Variants in ACAP2 observed in about 807,000 individuals in gnomAD.
ACAP2 encodes ArfGAP with coiled-coil, ankyrin repeat and PH domains 2.
Under a neutral mutation model 115.8 loss-of-function variants are expected in ACAP2, and 39 were observed. The observed-to-expected ratio is 0.34, with a 90% CI of 0.26 to 0.44. The LOEUF (loss-of-function observed/expected upper bound fraction) is 0.44, where lower values mean the gene tolerates loss of function less well. Among genes scored for constraint, ACAP2 ranks in the 20% least tolerant of loss-of-function variants. ACAP2 has a pLI of 1.00. For missense variants in ACAP2, 662 were observed against 927.6 expected (o/e 0.71, Z 3.72); for synonymous variants, 289 against 315.8 (o/e 0.92, Z 0.90).
At chr3:195,385,683 C>T (rs888072467) in intron 2 of ACAP2, among the ~76,000 whole-genome samples, 17 of 152,122 alleles carry the variant, frequency 1.1e-4, no homozygotes, top group African/African-American at 3.9e-4. Context: ...GAGCCACTAA[C>T]GGTAACAAGA....
intron 1 of ACAP2, among the ~76,000 whole-genome samples, chr3:195,420,621 G>T (rs1424454460): frequency 6.6e-6 from 1 of 151,714 alleles, no homozygotes; most frequent in East Asian, 1.9e-4. Flanking sequence ...GGAATTACAG[G>T]CGTGAGCCAC....
chr3:195,415,655 C>A (rs2108820357), intron 1 of ACAP2, among the ~76,000 whole-genome samples: 1 of 152,230 alleles, frequency 6.6e-6, no homozygotes, highest in Admixed American at 6.5e-5. Context: ...CCAGATAAAC[C>A]ACTTACTGAC....
rs148982590 is a variant in ACAP2 at position 195,419,119 on chromosome 3, ACAATT to A, written c.53+23671_53+23675del. On this transcript the variant is annotated intron_variant, in intron 1 of 22. Transcript: ENST00000326793. The stretch of plus-strand genomic sequence containing the variant: ...CAAATACCATACCCATTTGAAGTGT[ACAATT>A]CAATAGTTTTTAATATACTCAGAGT... Among the ~76,000 whole-genome samples the A allele has an allele frequency of 6.0e-3, 916 of 152,280 alleles. 14 individuals are homozygous for A. Among genetic ancestry groups the A allele is most frequent in the African/African-American group, 0.021 (879 of 41,548 alleles).
intron 1 of ACAP2, among the ~76,000 whole-genome samples, chr3:195,436,155 G>A (rs1715530146): frequency 6.9e-6 from 1 of 144,528 alleles, no homozygotes; most frequent in African/African-American, 2.6e-5. Context: ...TGGAGACAAA[G>A]TCCCACTGTC....
intron 1 of ACAP2, among the ~76,000 whole-genome samples, chr3:195,433,869 TG>T: frequency 6.6e-6 from 1 of 152,322 alleles, no homozygotes; most frequent in East Asian, 1.9e-4. Context: ...CAAAGATTTT[TG>T]TATCTGCATT....
chr3:195,426,652 A>T (rs1047236217), intron 1 of ACAP2, among the ~76,000 whole-genome samples: 1 of 152,050 alleles, frequency 6.6e-6, no homozygotes, highest in Non-Finnish European at 1.5e-5. Flanking sequence ...CTTTCTCACT[A>T]CGGCAACTGA....
At chr3:195,327,939 C>CA (rs200241296) in intron 8 of ACAP2, among the ~76,000 whole-genome samples, 23 of 148,790 alleles carry the variant, frequency 1.5e-4, no homozygotes, top group Non-Finnish European at 2.8e-4. Context: ...AGCCCTCCAC[C>CA]AAAAAAAAAT....
intron 13 of ACAP2, among the ~76,000 whole-genome samples, chr3:195,302,968 C>G (rs1397255373): frequency 6.6e-6 from 1 of 152,072 alleles, no homozygotes. Context: ...AATCCCAACA[C>G]TTTGGGAGGC....
intron 8 of ACAP2, among the ~76,000 whole-genome samples, chr3:195,329,342 A>G (rs1730022514): frequency 6.6e-6 from 1 of 152,136 alleles, no homozygotes; most frequent in Non-Finnish European, 1.5e-5. Flanking sequence ...ACTGGACATT[A>G]TCAATGTTAA....
chr3:195,376,562 C>A (rs1733557623), intron 4 of ACAP2, among the ~76,000 whole-genome samples: 3 of 151,946 alleles, frequency 2.0e-5, no homozygotes, highest in Non-Finnish European at 4.4e-5. Flanking sequence ...ACAACAACAA[C>A]AAAAACATAT....
rs779149120 is a variant in ACAP2, at chr3:195,342,668, A to G, written c.345-14T>C. The G allele has an allele frequency of 7.0e-5, 110 of 1,572,080 alleles. No homozygotes were observed. The highest frequency in any genetic ancestry group is 9.1e-5 in the Non-Finnish European group (106 of 1,165,448). On this transcript the variant is annotated splice_polypyrimidine_tract_variant and intron_variant, in intron 5 of 22. Coordinates refer to ENST00000326793, the MANE Select transcript of ACAP2 (RefSeq NM_012287.6). ...TTTCTAAGATCTCTAAGAAAAGAAA[A>G]ACTTAGTGAAACTTTTATAACTTGC...
chr3:195,345,212 A>T lies in ACAP2; in HGVS notation c.344+47T>A, dbSNP rs951497593. 3 of 1,247,024 alleles carry T rather than the reference A, an allele frequency of 2.4e-6. No individual in the cohort carries two copies. The African/African-American group carries it at 4.4e-5, about 18-fold the overall frequency. The allele number at this position is 1,247,024 out of a possible 1,614,324, so 77.2% of individuals were successfully genotyped here. ...CCAAAAGATACGAATTCTCAGATTG[A>T]TCATTAACTAGTTAATTTTCTTTCC... On this transcript the variant is annotated intron_variant, in intron 5 of 22. Coordinates refer to ENST00000326793, the MANE Select transcript of ACAP2 (RefSeq NM_012287.6).
intron 10 of ACAP2, among the ~76,000 whole-genome samples, chr3:195,310,111 A>G (rs905684729): frequency 4.7e-5 from 4 of 85,022 alleles, no homozygotes; most frequent in African/African-American, 2.0e-4. Context: ...ATGAAGCATT[A>G]GAAATTGTAT....
intron 1 of ACAP2, chr3:195,410,624 T>C (rs1713174730): frequency 6.6e-6 from 1 of 152,446 alleles, no homozygotes; most frequent in Non-Finnish European, 1.5e-5. Context: ...ACAGACGATA[T>C]ACGACTGGCC....
intron 1 of ACAP2, among the ~76,000 whole-genome samples, chr3:195,401,974 T>C (rs1248106728): frequency 1.3e-5 from 2 of 152,154 alleles, no homozygotes; most frequent in Non-Finnish European, 2.9e-5. Flanking sequence ...CCACCTGGGA[T>C]GGTAAACTTC....
At position 195,277,443 on chromosome 3, in the gene ACAP2, T is replaced by G. The variant is rs1726223034; in HGVS notation, c.*1885A>C. 1 of 152,234 alleles carries G rather than the reference T, an allele frequency of 6.6e-6. No homozygotes were observed. Among genetic ancestry groups the G allele is most frequent in the Non-Finnish European group, 1.5e-5 (1 of 68,038 alleles). 9.4% of individuals were successfully genotyped at this position (152,234 alleles called of 1,614,324 possible). A position where few individuals can be genotyped will look rare whatever the true frequency, so the allele number is the denominator to read the frequency against. ...AAATACAATGCTGTGGAAGTTAGCA[T>G]TTCCTCAGAAGTAATTCACAAATAT... On this transcript the variant is annotated 3_prime_UTR_variant, in exon 23 of 23. Coordinates refer to ENST00000326793, the MANE Select transcript of ACAP2 (RefSeq NM_012287.6).
rs765712897 is a variant in ACAP2, at chr3:195,381,996, A to C, written c.138T>G (p.Ile46Met). ...CAACACAAAAGGCTTTTCCAGTATC[A>C]ATCATTGCAATACAAAGTTTCACAA... ...DKLVKLCIAMIDTGKAFCVAN... is the reference protein window; with the variant it reads ...DKLVKLCIAMMDTGKAFCVAN... Residue 46 changes from isoleucine (I) to methionine (M), a missense_variant, in exon 3 of 23, where the codon ATT becomes ATG. Ile to Met is a conservative substitution (Grantham distance 10). Transcript: ENST00000326793. The C allele has an allele frequency of 6.8e-6, 11 of 1,607,266 alleles. No homozygotes were observed.
At chr3:195,412,954 A>G in intron 1 of ACAP2, 1 of 455,014 alleles carries the variant, frequency 2.2e-6, no homozygotes, top group Middle Eastern at 3.3e-4. Context: ...CAGATATGAA[A>G]TATGTATACA....
chr3:195,406,814 G>A (rs1025598418), intron 1 of ACAP2, among the ~76,000 whole-genome samples: 3 of 152,130 alleles, frequency 2.0e-5, no homozygotes, highest in Admixed American at 6.6e-5. Flanking sequence ...CATAAAACTC[G>A]TAAGTATACA....
Sources: allele counts gnomAD v4.1 joint callset (sites outside exome capture counted in the v4.1 genomes callset), GRCh38; gene constraint gnomAD v4.1.1; transcripts MANE v1.5; gene names NCBI Gene and HGNC (gene_info 2026-07-23, HGNC 2026-07-21).